The following PKHD1L1 variants were observed in gnomAD, a reference collection of about 807,000 sequenced individuals.
PKHD1L1 encodes fibrocystin-L.
Under a neutral mutation model 462.9 loss-of-function variants are expected in PKHD1L1, and 434 were observed. The ratio of observed to expected loss-of-function variants is 0.94; its 90% CI spans 0.87 to 1.02. The LOEUF is 1.02. PKHD1L1 is among the 50% of genes least tolerant of loss of function. PKHD1L1 has a pLI of 0.00. For synonymous variants in PKHD1L1, 1,781 were observed against 1,750.0 expected (o/e 1.02, Z -0.44); for missense variants, 5,202 against 5,096.1 (o/e 1.02, Z -0.63).
chr8:109,443,918 C>T lies in PKHD1L1; in HGVS notation c.4791+16C>T. The T allele has an allele frequency of 6.4e-7, 1 of 1,557,284 alleles. No individual in the cohort carries two copies. Among genetic ancestry groups the T allele is most frequent in the South Asian group, 1.1e-5 (1 of 88,468 alleles). On this transcript the variant is annotated intron_variant, in intron 37 of 77. Coordinates refer to ENST00000378402, the MANE Select transcript of PKHD1L1 (RefSeq NM_177531.6). ...GGCTAATAAGGTAAGAATATAAATA[C>T]CTCCTTTGTACTTCTATTATATGTT...
chr8:109,409,510 G>T (rs1256697884), intron 18 of PKHD1L1, among the ~76,000 whole-genome samples: 1 of 151,610 alleles, frequency 6.6e-6, no homozygotes, highest in African/African-American at 2.4e-5. Context: ...TGAGTTATTT[G>T]GAAAAAGTAT....
intron 59 of PKHD1L1, 26 bp from the exon 60 acceptor site, chr8:109,489,926 A>AGTT: frequency 2.8e-6 from 4 of 1,436,134 alleles, no homozygotes; most frequent in Non-Finnish European, 3.9e-6. Flanking sequence ...TAAGAAAAAC[A>AGTT]AATTTTAAAT....
chr8:109,498,610 G>A (rs1819243463), intron 66 of PKHD1L1, 37 bp downstream of exon 66: 2 of 1,608,700 alleles, frequency 1.2e-6, no homozygotes, highest in South Asian at 1.1e-5. Context: ...TTGTTCATAT[G>A]AGTGCATATT....
chr8:109,392,329 T>A (rs188389808), intron 9 of PKHD1L1, among the ~76,000 whole-genome samples: 281 of 152,308 alleles, frequency 1.8e-3, no homozygotes, highest in Non-Finnish European at 3.1e-3. Context: ...ATAGAAGGTT[T>A]GAGTGATCAA....
Position 109,389,079 on chromosome 8 carries a change from A to T in PKHD1L1, c.624A>T (p.Leu208Phe), listed in dbSNP as rs1463667049. 2.5e-6 allele frequency: 4 copies of T among 1,593,126 alleles called. No homozygotes were observed. The East Asian group carries it at 6.8e-5, about 27-fold the overall frequency. Residue 208 changes from leucine to phenylalanine, a missense_variant and splice_region_variant, in exon 8 of 78, where the codon TTA (leucine) becomes TTT (phenylalanine). Leu to Phe is a conservative substitution (Grantham distance 22, BLOSUM62 0). Coordinates refer to ENST00000378402, the MANE Select transcript of PKHD1L1 (RefSeq NM_177531.6). ...TTGACATTAACTTTTTTTTAATTAG[A>T]TATGGTCTAAAACTGGATCATCCAA... The part of the protein sequence containing the change: ...CELLIPQSDN[L>F]YGLKLDHPNG...
chr8:109,400,010 T>C (rs965790255), intron 12 of PKHD1L1, 66 bp from the exon 13 acceptor site: 3 of 1,471,614 alleles, frequency 2.0e-6, no homozygotes, highest in Non-Finnish European at 2.8e-6. Flanking sequence ...AACATCCAAA[T>C]AGAAAGCCAT....
At chr8:109,485,222 T>C in intron 58 of PKHD1L1, 49 bp downstream of exon 58, 2 of 1,392,628 alleles carry the variant, frequency 1.4e-6, no homozygotes, top group Non-Finnish European at 1.9e-6. Flanking sequence ...TGTTGAAAGA[T>C]TCACATTTAC....
chr8:109,369,446 G>C (rs1811386308), intron 2 of PKHD1L1, among the ~76,000 whole-genome samples: 1 of 151,990 alleles, frequency 6.6e-6, no homozygotes, highest in South Asian at 2.1e-4. Context: ...TTTTCCCATA[G>C]ATTTTACTTC....
chr8:109,422,366 TCCATTC>T (rs1242352194), intron 23 of PKHD1L1, among the ~76,000 whole-genome samples: 1 of 152,202 alleles, frequency 6.6e-6, no homozygotes, highest in Non-Finnish European at 1.5e-5. Flanking sequence ...TCTCCCTCGT[TCCATTC>T]CTCCTGCACT....
At chr8:109,466,523 T>C in intron 49 of PKHD1L1, 55 bp from the exon 50 acceptor site, 1 of 1,483,592 alleles carries the variant, frequency 6.7e-7, no homozygotes. Context: ...TTGTAGACCT[T>C]TTTTATGTTT....
Position 109,427,149 on chromosome 8 carries a change from T to C in PKHD1L1, c.2993T>C (p.Leu998Pro), listed in dbSNP as rs1814799422. 1 of 1,612,878 alleles carries C rather than the reference T, an allele frequency of 6.2e-7. No homozygotes were observed. The highest frequency in any genetic ancestry group is 1.3e-5 in the African/African-American group (1 of 74,918). The change falls in exon 25 of 78, where the codon CTT becomes CCT. Residue 998 changes from leucine to proline, a missense_variant. By Grantham distance (98) the Leu-to-Pro change is moderately conservative (BLOSUM62 -3). This residue lies in a region of PKHD1L1 where 4,497 missense variants were observed against 4,336.8 expected (regional missense o/e 1.04). Coordinates refer to ENST00000378402, the MANE Select transcript of PKHD1L1 (RefSeq NM_177531.6). ...AGAAGCACCTGCGGAAAGCAGAATCTTCTACAGGTTCCCTCATTTGGCTTG... is the reference window on the plus strand; with the variant it reads ...AGAAGCACCTGCGGAAAGCAGAATCCTCTACAGGTTCCCTCATTTGGCTTG... ...KWRSTCGKQN[L>P]LQINDSNIIG...
chr8:109,491,791 A>G, intron 61 of PKHD1L1, 82 bp from the exon 62 acceptor site: 2 of 1,256,032 alleles, frequency 1.6e-6, no homozygotes, highest in Non-Finnish European at 2.2e-6. Context: ...TGGAAAAATC[A>G]AAAGACATTA....
At chr8:109,445,932 A>T (rs1816113950) in intron 38 of PKHD1L1, among the ~76,000 whole-genome samples, 1 of 152,178 alleles carries the variant, frequency 6.6e-6, no homozygotes, top group African/African-American at 2.4e-5. Context: ...GATAGACCAA[A>T]ACTGATAATT....
At chr8:109,438,721 C>T (rs1176716513) in intron 31 of PKHD1L1, among the ~76,000 whole-genome samples, 176 bp from the exon 32 acceptor site, 1 of 151,742 alleles carries the variant, frequency 6.6e-6, no homozygotes, top group East Asian at 1.9e-4. Context: ...ATGTACATTT[C>T]ATCCCTCTGT....
In PKHD1L1 at chr8:109,464,386, A is replaced by G; in HGVS notation, c.7554A>G (p.Ile2518Met). 3 of 1,613,420 alleles carry G rather than the reference A, an allele frequency of 1.9e-6. No homozygotes were observed. The highest frequency in any genetic ancestry group is 1.7e-5 in the Admixed American group (1 of 59,910). Residue 2518 changes from isoleucine to methionine, a missense_variant, in exon 49 of 78, where the codon ATA becomes ATG. This residue lies in a region of PKHD1L1 where 4,497 missense variants were observed against 4,336.8 expected (regional missense o/e 1.04). Coordinates refer to ENST00000378402, the MANE Select transcript of PKHD1L1 (RefSeq NM_177531.6). The part of the protein sequence containing the change: ...THHLLVERNI[I>M]YDIKGGAFFI... ...ATCTTCTGGTTGAGAGGAATATTAT[A>G]TATGATATTAAGGGAGGAGCATTTT...
intron 59 of PKHD1L1, 83 bp downstream of exon 59, chr8:109,486,904 C>CT (rs1818558100): frequency 1.5e-6 from 2 of 1,306,130 alleles, no homozygotes; most frequent in Non-Finnish European, 2.1e-6. Flanking sequence ...ATAATTCTCA[C>CT]TTTTTTAATA....
At chr8:109,523,462 G>A (rs1820662568) in intron 76 of PKHD1L1, 76 bp downstream of exon 76, 6 of 1,378,338 alleles carry the variant, frequency 4.4e-6, no homozygotes, top group Non-Finnish European at 5.9e-6. Context: ...AATGAACAAA[G>A]CATTCTGTAA....
chr8:109,529,259 G>A (rs75666400), intron 77 of PKHD1L1, among the ~76,000 whole-genome samples: 2,176 of 152,186 alleles, frequency 0.014, 29 homozygotes, highest in Non-Finnish European at 0.023. Context: ...GGAGTCCAGC[G>A]GTCAAGGGAG....
At chr8:109,447,523 G>A (rs533610763) in intron 38 of PKHD1L1, among the ~76,000 whole-genome samples, 2 of 152,152 alleles carry the variant, frequency 1.3e-5, no homozygotes, top group Admixed American at 1.3e-4. Flanking sequence ...GTCAAAAGAG[G>A]GAAGCAAGAG....
Sources: gnomAD v4.1 joint callset for allele counts (sites outside exome capture counted in the v4.1 genomes callset) on GRCh38, gnomAD v4.1.1 for gene constraint, gnomAD v4.1.1 regional missense constraint, MANE v1.5 for transcripts, NCBI Gene and HGNC (gene_info 2026-07-23, HGNC 2026-07-21) for gene names.